Variants in WDFY2 observed in about 807,000 individuals in gnomAD.
WDFY2 encodes the protein WD repeat and FYVE domain-containing protein 2.
A neutral mutation model predicts 56.4 loss-of-function variants in WDFY2; 36 were observed. The ratio of observed to expected loss-of-function variants is 0.64; its 90% confidence interval spans 0.49 to 0.84. The LOEUF (loss-of-function observed/expected upper bound fraction) is 0.84, where lower values mean the gene tolerates loss of function less well. WDFY2 is among the 40% of genes least tolerant of loss of function. The pLI is 0.00. For missense variants in WDFY2, 444 were observed against 512.2 expected (o/e 0.87, Z 1.29); for synonymous variants, 176 against 183.7 (o/e 0.96, Z 0.34).
At chr13:51,659,039 G>A (rs1171692620) in intron 1 of WDFY2, among the ~76,000 whole-genome samples, 1 of 152,050 alleles carries the variant, frequency 6.6e-6, no homozygotes, top group Non-Finnish European at 1.5e-5. Flanking sequence ...TGATTCTCCT[G>A]CCTTAACCTC....
chr13:51,705,486 T>C (rs890303233), intron 4 of WDFY2, among the ~76,000 whole-genome samples: 3 of 152,160 alleles, frequency 2.0e-5, no homozygotes, highest in African/African-American at 7.2e-5. Context: ...ACTGTTCTTA[T>C]ATAGGGTGAA....
At chr13:51,742,542 A>T (rs939076080) in intron 7 of WDFY2, among the ~76,000 whole-genome samples, 5 of 152,210 alleles carry the variant, frequency 3.3e-5, no homozygotes, top group African/African-American at 9.7e-5. Flanking sequence ...TTATTGTCCC[A>T]TGCCTACCTT....
intron 1 of WDFY2, among the ~76,000 whole-genome samples, chr13:51,653,414 T>C (rs1354270530): frequency 1.3e-5 from 2 of 152,224 alleles, no homozygotes; most frequent in African/African-American, 4.8e-5. Context: ...TCAAAGTCAT[T>C]CTCCGTCCAG....
At chr13:51,614,535 G>C (rs963505808) in intron 1 of WDFY2, among the ~76,000 whole-genome samples, 9 of 152,180 alleles carry the variant, frequency 5.9e-5, no homozygotes, top group Non-Finnish European at 1.2e-4. Context: ...TAGTGATCTT[G>C]TCCCTTTGAA....
intron 4 of WDFY2, among the ~76,000 whole-genome samples, chr13:51,717,702 C>T (rs942484206): frequency 1.3e-5 from 2 of 152,212 alleles, no homozygotes; most frequent in South Asian, 2.1e-4. Flanking sequence ...AAGATCTTCA[C>T]GAGTTTCTCC....
chr13:51,725,369 GTAA>G (rs1034524716), intron 5 of WDFY2, among the ~76,000 whole-genome samples: 5 of 152,142 alleles, frequency 3.3e-5, no homozygotes, highest in African/African-American at 4.8e-5. Flanking sequence ...TTGGAATCCT[GTAA>G]TATTTTTACA....
chr13:51,591,663 T>C (rs1021740547), intron 1 of WDFY2: 1 of 152,236 alleles, frequency 6.6e-6, no homozygotes, highest in Admixed American at 6.5e-5. Context: ...TATAAGATCC[T>C]AGTTGTGACC....
rs181175165 is a variant in WDFY2 at position 51,671,329 on chromosome 13, C to T, written c.206-3841C>T. 1.4e-3 allele frequency among the ~76,000 whole-genome samples: 211 copies of T among 152,326 alleles called. 1 individual carries two copies. Among genetic ancestry groups the T allele is most frequent in the Non-Finnish European group, 1.6e-3 (112 of 68,030 alleles). Reference sequence around the variant, plus strand: ...GTGGTTGTACTAGTTTGCATTCCCACCAGCAGCGCAGAGGTGTTCCCTTTT... The same window carrying T: ...GTGGTTGTACTAGTTTGCATTCCCATCAGCAGCGCAGAGGTGTTCCCTTTT... On this transcript the variant is annotated intron_variant, in intron 2 of 11. Coordinates refer to ENST00000298125, the MANE Select transcript of WDFY2 (RefSeq NM_052950.4).
intron 2 of WDFY2, among the ~76,000 whole-genome samples, chr13:51,670,475 T>C (rs1235658775): frequency 1.4e-5 from 2 of 143,138 alleles, no homozygotes; most frequent in African/African-American, 5.3e-5. Flanking sequence ...ACGTCTCACC[T>C]ACTGTGCGCA....
At chr13:51,678,752 G>A (rs544228594) in intron 3 of WDFY2, among the ~76,000 whole-genome samples, 33 of 152,226 alleles carry the variant, frequency 2.2e-4, no homozygotes, top group Admixed American at 6.5e-4. Context: ...CAGTTAGGGA[G>A]ACATTTTTCA....
At chr13:51,595,777 T>TA (rs1463367935) in intron 1 of WDFY2, among the ~76,000 whole-genome samples, 1 of 152,116 alleles carries the variant, frequency 6.6e-6, no homozygotes, top group Non-Finnish European at 1.5e-5. Context: ...AGCATATAGG[T>TA]AAAAAATCAA....
Position 51,766,073 on chromosome 13 carries a change from T to G in WDFY2, c.*6304T>G, listed in dbSNP as rs1048779069. On this transcript the variant is annotated 3_prime_UTR_variant, in exon 12 of 12. Coordinates refer to ENST00000298125, the MANE Select transcript of WDFY2 (RefSeq NM_052950.4). ...TTCACATATACACTTTTTATCATTT[T>G]AGTGGATGGCAGCCTTACGTCAGTA... 2.0e-5 allele frequency: 3 copies of G among 152,258 alleles called. No individual in the cohort carries two copies. Among genetic ancestry groups the G allele is most frequent in the Admixed American group, 1.3e-4 (2 of 15,288 alleles). The allele number at this position is 152,258 out of a possible 1,614,324, so 9.4% of individuals were successfully genotyped here. A position where few individuals can be genotyped will look rare whatever the true frequency, so the allele number is the denominator to read the frequency against.
intron 1 of WDFY2, among the ~76,000 whole-genome samples, chr13:51,611,995 G>A (rs1366074251): frequency 2.0e-5 from 3 of 152,104 alleles, no homozygotes; most frequent in East Asian, 1.9e-4. Context: ...AGAGCCAGCC[G>A]TCAAATGAAC....
At chr13:51,686,526 T>C (rs1322081810) in intron 3 of WDFY2, among the ~76,000 whole-genome samples, 2 of 152,184 alleles carry the variant, frequency 1.3e-5, no homozygotes, top group East Asian at 3.9e-4. Flanking sequence ...TAAACTAGTT[T>C]CTTGTGCGTG....
intron 1 of WDFY2, among the ~76,000 whole-genome samples, chr13:51,631,710 T>C (rs1390310173): frequency 6.6e-6 from 1 of 152,164 alleles, no homozygotes; most frequent in Admixed American, 6.5e-5. Flanking sequence ...ACACGCATTA[T>C]TTAGACGAGG....
chr13:51,693,280 G>A (rs1165992351), intron 3 of WDFY2, among the ~76,000 whole-genome samples: 1 of 152,042 alleles, frequency 6.6e-6, no homozygotes, highest in Non-Finnish European at 1.5e-5. Context: ...ATGTTAGGGT[G>A]TCAATTTTGG....
At chr13:51,669,085 C>A (rs1043994819) in intron 2 of WDFY2, among the ~76,000 whole-genome samples, 3 of 152,000 alleles carry the variant, frequency 2.0e-5, no homozygotes, top group Non-Finnish European at 2.9e-5. Context: ...AGTCACTTTC[C>A]CTCTAATCCA....
At chr13:51,720,921 G>A (rs543992679) in intron 5 of WDFY2, among the ~76,000 whole-genome samples, 36 of 150,966 alleles carry the variant, frequency 2.4e-4, no homozygotes, top group African/African-American at 8.8e-4. Context: ...ATGAATTTTG[G>A]GGAGACATAA....
At chr13:51,632,257 C>T (rs1241674602) in intron 1 of WDFY2, among the ~76,000 whole-genome samples, 1 of 151,872 alleles carries the variant, frequency 6.6e-6, no homozygotes, top group African/African-American at 2.4e-5. Flanking sequence ...CCAAAGCTCT[C>T]CTAGGATGAG....
Sources: allele counts gnomAD v4.1 joint callset (sites outside exome capture counted in the v4.1 genomes callset), GRCh38; gene constraint gnomAD v4.1.1; transcripts MANE v1.5; gene names NCBI Gene and HGNC (gene_info 2026-07-23, HGNC 2026-07-21).